Variants in DNAH2 observed in about 807,000 individuals in gnomAD.
DNAH2 encodes axonemal beta dynein heavy chain 2.
Under a neutral mutation model 523.5 loss-of-function variants are expected in DNAH2, and 323 were observed. The ratio of observed to expected loss-of-function variants is 0.62; its 90% CI spans 0.56 to 0.68. The LOEUF (loss-of-function observed/expected upper bound fraction) is 0.68. Ranked by LOEUF, DNAH2 falls within the 30% of genes least tolerant of loss-of-function variation. The pLI is 0.00. For missense variants in DNAH2, 4,907 were observed against 5,701.5 expected (o/e 0.86, Z 4.49); for synonymous variants, 2,093 against 2,177.4 (o/e 0.96, Z 1.08).
At chr17:7,790,855 C>T (rs2076877328) in intron 44 of DNAH2, among the ~76,000 whole-genome samples, 1 of 151,958 alleles carries the variant, frequency 6.6e-6, no homozygotes, top group Non-Finnish European at 1.5e-5. Flanking sequence ...TACAGATGCA[C>T]ACCACCATGC....
At chr17:7,781,212 T>A (rs756356838) in intron 39 of DNAH2, 45 bp downstream of exon 39, 2 of 1,611,204 alleles carry the variant, frequency 1.2e-6, no homozygotes, top group South Asian at 2.2e-5. Context: ...CTGTGGCTCA[T>A]GGTTGTAATC....
Position 7,804,971 on chromosome 17 carries a change from A to T in DNAH2, c.9197A>T (p.Asn3066Ile). 1 of 1,614,196 alleles carries T rather than the reference A, an allele frequency of 6.2e-7. No homozygotes were observed. The highest frequency in any genetic ancestry group is 8.5e-7 in the Non-Finnish European group (1 of 1,180,018). ...ADEQQKAVTA[N>I]SEKIAVEEIK... Reference sequence around the variant, plus strand: ...TTTCATCCCTAGGCCGTAACAGCCAACAGTGAAAAGATTGCAGTTGAGGAA... The same window carrying T: ...TTTCATCCCTAGGCCGTAACAGCCATCAGTGAAAAGATTGCAGTTGAGGAA... Residue 3066 changes from asparagine to isoleucine, a missense_variant, in exon 60 of 86, where the codon AAC (asparagine) becomes ATC (isoleucine). Transcript: ENST00000572933.
chr17:7,726,655 A>G (rs1472938533), intron 3 of DNAH2, among the ~76,000 whole-genome samples: 4 of 151,934 alleles, frequency 2.6e-5, no homozygotes, highest in Admixed American at 2.6e-4. Flanking sequence ...TTAATGTTGT[A>G]CCAATTGACT....
rs1420754672 is a variant in DNAH2 at position 7,823,857 on chromosome 17, G to T, written c.11353G>T (p.Glu3785Ter). Residue 3785 changes from glutamate (E) to a stop codon, truncating the protein, a stop_gained, in exon 75 of 86, where the codon GAA becomes TAA. Coordinates refer to ENST00000572933, the MANE Select transcript of DNAH2 (RefSeq NM_020877.5). LOFTEE classifies it high-confidence loss of function. ...LPGEWENACNEMQRMLIVRSL... is the reference protein window; with the variant it reads ...LPGEWENACN ...AGGTGAGTGGGAAAATGCCTGCAAT[G>T]AAATGCAACGGATGCTGATCGTTCG... is the stretch of plus-strand genomic sequence containing the variant. The T allele has an allele frequency of 1.2e-6, 2 of 1,614,138 alleles. No homozygotes were observed. The highest frequency in any genetic ancestry group is 1.7e-6 in the Non-Finnish European group (2 of 1,180,014).
At chr17:7,777,365 G>A (rs1218573096) in intron 32 of DNAH2, 81 bp from the exon 33 acceptor site, 11 of 1,505,386 alleles carry the variant, frequency 7.3e-6, no homozygotes, top group Middle Eastern at 2.1e-4. Context: ...GGTTGGAAGC[G>A]GTGCTGGGTA....
Position 7,831,619 on chromosome 17 carries a change from C to T in DNAH2, c.12612-42C>T. ...TGCCTTCTGGCTAGAATGACGTTCC[C>T]AGGCCCACCTCATCTCTAACACTCC... On this transcript the variant is annotated intron_variant, in intron 81 of 85. Coordinates refer to ENST00000572933, the MANE Select transcript of DNAH2 (RefSeq NM_020877.5). This position sits in a 1 kb window ranked among gnomAD's most constrained non-coding sequence, Gnocchi z 4.2. The T allele has an allele frequency of 6.2e-7, 1 of 1,613,248 alleles. No individual in the cohort carries two copies. Among genetic ancestry groups the T allele is most frequent in the Non-Finnish European group, 8.5e-7 (1 of 1,179,316 alleles).
chr17:7,807,623 C>T lies in DNAH2; in HGVS notation c.9729+37C>T, dbSNP rs776386230. On this transcript the variant is annotated intron_variant, in intron 63 of 85. Transcript: ENST00000572933. This position sits in a 1 kb window ranked among gnomAD's most constrained non-coding sequence, Gnocchi z 5.6. ...GCCTGTCCTTTCCACGGAGGTCCCT[C>T]TCCCTGAGTTCTGGATTGCTTCATT... 1 of 1,566,188 alleles carries T rather than the reference C, an allele frequency of 6.4e-7. No individual in the cohort carries two copies. The highest frequency in any genetic ancestry group is 2.2e-5 in the East Asian group (1 of 44,700).
In DNAH2 at chr17:7,786,693, C is replaced by T. The variant is rs569741618; in HGVS notation, c.6466+6C>T. On this transcript the variant is annotated splice_donor_region_variant and intron_variant, in intron 41 of 85. Transcript: ENST00000572933. This position sits in a 1 kb window ranked among gnomAD's most constrained non-coding sequence, Gnocchi z 7.5. ...CATGCGGACGGCATGTGCAGGTATC[C>T]AGAGGATCGTGGGGTGTGGAGAGCA... The T allele has an allele frequency of 3.1e-6, 5 of 1,613,566 alleles. No homozygotes were observed. The African/African-American group carries it at 5.3e-5, about 17-fold the overall frequency.
chr17:7,740,292 A>C, intron 9 of DNAH2, 128 bp from the exon 10 acceptor site: 6 of 1,371,924 alleles, frequency 4.4e-6, no homozygotes, highest in Non-Finnish European at 6.0e-6. Flanking sequence ...TCATGTAGGT[A>C]AAGTACTTGG....
At chr17:7,761,006 C>CT in intron 18 of DNAH2, 74 bp downstream of exon 18, 3 of 1,562,930 alleles carry the variant, frequency 1.9e-6, no homozygotes, top group Non-Finnish European at 2.6e-6. Context: ...GGCCTAGAGT[C>CT]TTGGGAAGTG....
At position 7,817,676 on chromosome 17, in the gene DNAH2, C is replaced by T. The variant is rs1054670129; in HGVS notation, c.10136C>T (p.Thr3379Ile). The T allele has an allele frequency of 5.6e-5, 90 of 1,614,048 alleles. 1 individual carries two copies. The highest frequency in any genetic ancestry group is 7.3e-5 in the Non-Finnish European group (86 of 1,180,034). Residue 3379 changes from threonine (T) to isoleucine (I), a missense_variant, in exon 66 of 86, where the codon ACT becomes ATT. Physicochemically the swap from Thr to Ile is moderately conservative, Grantham distance 89 (BLOSUM62 -1). Around this residue, in one of 3 missense-constraint regions of DNAH2, gnomAD observed 1,851 missense variants for 2,139.4 expected, o/e 0.87. Transcript: ENST00000572933. ...IQGLPSDAFS[T>I]ENGIIVTRGN... ...GGGTTGCCCTCAGACGCCTTCTCCA[C>T]TGAGAATGGCATCATCGTCACCCGA...
intron 74 of DNAH2, 69 bp downstream of exon 74, chr17:7,823,697 C>A: frequency 6.3e-7 from 1 of 1,585,516 alleles, no homozygotes; most frequent in Non-Finnish European, 8.6e-7. Context: ...CGGCCCTTCC[C>A]ATTGTCCTCC....
At position 7,737,082 on chromosome 17, in the gene DNAH2, G is replaced by A. The variant is rs762209674; in HGVS notation, c.994G>A (p.Ala332Thr). The part of the protein sequence containing the change: ...AQQIQDGSRQ[A>T]QSNLTFLSIL... ...TTACTGCCAGGATGGCTCTCGTCAA[G>A]CACAGTCAAACCTGACCTTTTTGTC... The change falls in exon 8 of 86, where the codon GCA (alanine) becomes ACA (threonine). Residue 332 changes from alanine to threonine, a missense_variant. Ala to Thr is a moderately conservative substitution (Grantham distance 58). Around this residue, in one of 3 missense-constraint regions of DNAH2, gnomAD observed 2,806 missense variants for 3,190.8 expected, o/e 0.88. Transcript: ENST00000572933. 6.2e-6 allele frequency: 10 copies of A among 1,613,888 alleles called. No homozygotes were observed. Among genetic ancestry groups the A allele is most frequent in the Non-Finnish European group, 6.8e-6 (8 of 1,179,940 alleles).
chr17:7,782,684 G>C (rs1490748804), intron 39 of DNAH2, among the ~76,000 whole-genome samples: 1 of 152,086 alleles, frequency 6.6e-6, no homozygotes, highest in Admixed American at 6.6e-5. Context: ...AAACTGATAG[G>C]GGCGAGGTGC....
chr17:7,827,124 C>T (rs2078041856), intron 77 of DNAH2, among the ~76,000 whole-genome samples: 1 of 151,998 alleles, frequency 6.6e-6, no homozygotes, highest in African/African-American at 2.4e-5. Flanking sequence ...TGATGTTCTT[C>T]GCGTTTTGTA....
intron 24 of DNAH2, among the ~76,000 whole-genome samples, chr17:7,769,952 A>G (rs996375694): frequency 1.3e-5 from 2 of 152,188 alleles, no homozygotes; most frequent in African/African-American, 2.4e-5. Context: ...CGTGAGAATG[A>G]TATGAGATGT....
At chr17:7,793,447 T>TTCTTTCTTTTTCTTTCTTTC (rs774059490) in intron 48 of DNAH2, among the ~76,000 whole-genome samples, 4 of 96,416 alleles carry the variant, frequency 4.1e-5, no homozygotes, top group Admixed American at 3.2e-4. Flanking sequence ...CTTTCTTTCT[T>TTCTTTCTTTTTCTTTCTTTC]TTTCTTTCTT....
At position 7,807,682 on chromosome 17, in the gene DNAH2, C is replaced by G. The variant is rs2077405102; in HGVS notation, c.9729+96C>G. ...GTTTTCCCCCATCTAATTCTAGCCCCCTTCCCCATGTCCTGTGCCATTCCA... is the reference window on the plus strand; with the variant it reads ...GTTTTCCCCCATCTAATTCTAGCCCGCTTCCCCATGTCCTGTGCCATTCCA... On this transcript the variant is annotated intron_variant, in intron 63 of 85. Coordinates refer to ENST00000572933, the MANE Select transcript of DNAH2 (RefSeq NM_020877.5). The surrounding 1 kb of genome is among the most constrained non-coding windows in gnomAD (Gnocchi z 5.6). The G allele has an allele frequency of 9.2e-7, 1 of 1,087,162 alleles. No homozygotes were observed. The highest frequency in any genetic ancestry group is 1.4e-6 in the Non-Finnish European group (1 of 735,620). 67.3% of individuals were successfully genotyped at this position (1,087,162 alleles called of 1,614,324 possible).
At chr17:7,810,049 C>G (rs1319083896) in intron 63 of DNAH2, among the ~76,000 whole-genome samples, 1 of 147,310 alleles carries the variant, frequency 6.8e-6, no homozygotes, top group Non-Finnish European at 1.5e-5. Flanking sequence ...TTTCTTCTTT[C>G]TTTTCTTTCT....
Sources: gnomAD v4.1 joint callset for allele counts (sites outside exome capture counted in the v4.1 genomes callset) on GRCh38, gnomAD v4.1.1 for gene constraint, gnomAD v4.1.1 regional missense constraint, Gnocchi (gnomAD v3.1) non-coding constraint, MANE v1.5 for transcripts, NCBI Gene and HGNC (gene_info 2026-07-23, HGNC 2026-07-21) for gene names.